Variants in EPHB1 observed in about 807,000 individuals in gnomAD.
EPHB1 encodes EPH receptor B1.
A neutral mutation model predicts 94.4 loss-of-function variants in EPHB1; 30 were observed. That is an observed-to-expected ratio of 0.32 (90% CI 0.24 to 0.43). The LOEUF is 0.43. Ranked by LOEUF, EPHB1 falls within the 20% of genes least tolerant of loss-of-function variation. The pLI, the probability that EPHB1 is intolerant of heterozygous loss-of-function variation, is 1.00. For missense variants in EPHB1, 1,055 were observed against 1,308.3 expected, an observed-to-expected ratio of 0.81 and a Z score of 2.99; for synonymous variants, 522 against 489.1, an observed-to-expected ratio of 1.07 and a Z score of -0.89.
At chr3:134,965,257 C>T (rs1370764423) in intron 3 of EPHB1, among the ~76,000 whole-genome samples, 1 of 152,206 alleles carries the variant, frequency 6.6e-6, no homozygotes, top group Non-Finnish European at 1.5e-5. Flanking sequence ...TCCAGATACT[C>T]ATTAAGAACC....
chr3:134,882,749 CCTTTCTTCCTTCCTTCCTTTCT>C (rs2037763742), intron 1 of EPHB1, among the ~76,000 whole-genome samples: 25 of 38,050 alleles, frequency 6.6e-4, no homozygotes, highest in South Asian at 1.4e-3. Context: ...CTTCTTTCTT[CCTTTCTTCCTTCCTTCCTTTCT>C]TTCTTTCTTT....
chr3:134,900,586 G>A (rs2038179422), intron 1 of EPHB1, among the ~76,000 whole-genome samples: 1 of 152,128 alleles, frequency 6.6e-6, no homozygotes, highest in African/African-American at 2.4e-5. Flanking sequence ...TCCTGCCTGG[G>A]TTAACGGGGC....
intron 1 of EPHB1, among the ~76,000 whole-genome samples, chr3:134,901,279 A>G (rs1286476673): frequency 6.6e-6 from 1 of 152,002 alleles, no homozygotes; most frequent in African/African-American, 2.4e-5. Context: ...TTAAATCAGG[A>G]TCTAAACAAA....
chr3:134,951,382 C>T lies in EPHB1; in HGVS notation c.135C>T (p.Val45=), dbSNP rs1933023101. ...TANPASGWEE[V]SGYDENLNTI... ...CCTGCTATGTACAGTGGGAAGAAGT[C>T]AGTGGCTACGATGAAAACCTGAACA... The change falls in exon 3 of 16, where the codon GTC becomes GTT. Residue 45 remains valine, a synonymous_variant. Coordinates refer to ENST00000398015, the MANE Select transcript of EPHB1 (RefSeq NM_004441.5). The surrounding 1 kb of genome is among the most constrained non-coding windows in gnomAD (Gnocchi z 4.5). 2 of 1,564,492 alleles carry T rather than the reference C, an allele frequency of 1.3e-6. No individual in the cohort carries two copies.
At chr3:134,887,809 G>A (rs1329498976) in intron 1 of EPHB1, among the ~76,000 whole-genome samples, 3 of 152,172 alleles carry the variant, frequency 2.0e-5, no homozygotes, top group Non-Finnish European at 4.4e-5. Flanking sequence ...CAATATTAGA[G>A]TAATCATCAA....
chr3:134,911,158 C>T (rs1333991650), intron 1 of EPHB1, among the ~76,000 whole-genome samples: 1 of 152,188 alleles, frequency 6.6e-6, no homozygotes, highest in Non-Finnish European at 1.5e-5. Context: ...GCAGGAAAGG[C>T]TCATTGGCCA....
At chr3:134,962,021 A>G (rs1379480717) in intron 3 of EPHB1, among the ~76,000 whole-genome samples, 1 of 152,252 alleles carries the variant, frequency 6.6e-6, no homozygotes, top group Non-Finnish European at 1.5e-5. Context: ...ATAAGAATAT[A>G]TAAATTTTTA....
At chr3:135,243,160 C>T (rs186074977) in intron 13 of EPHB1, among the ~76,000 whole-genome samples, 48 of 150,200 alleles carry the variant, frequency 3.2e-4, no homozygotes, top group African/African-American at 1.1e-3. Flanking sequence ...TGACTAAGAA[C>T]AATTCAGCAC....
At chr3:135,088,974 A>G (rs576676678) in intron 3 of EPHB1, among the ~76,000 whole-genome samples, 1 of 152,326 alleles carries the variant, frequency 6.6e-6, no homozygotes, top group South Asian at 2.1e-4. Flanking sequence ...CAATCATCAA[A>G]ACAACTCTAT....
chr3:134,816,087 T>G (rs957282622), intron 1 of EPHB1, among the ~76,000 whole-genome samples: 7 of 143,990 alleles, frequency 4.9e-5, no homozygotes, highest in Admixed American at 2.9e-4. Flanking sequence ...GTTTCTGTTT[T>G]TTTTTTTTTT....
chr3:135,105,314 G>A (rs1576387898), intron 3 of EPHB1, among the ~76,000 whole-genome samples: 1 of 152,182 alleles, frequency 6.6e-6, no homozygotes, highest in Non-Finnish European at 1.5e-5. Context: ...CATGTTTTCA[G>A]CAGGAACAGT....
intron 3 of EPHB1, among the ~76,000 whole-genome samples, chr3:135,072,371 G>A (rs1937751438): frequency 6.6e-6 from 1 of 152,274 alleles, no homozygotes; most frequent in Non-Finnish European, 1.5e-5. Flanking sequence ...GTGACAGAGT[G>A]AGACTCCATC....
intron 3 of EPHB1, among the ~76,000 whole-genome samples, chr3:135,019,375 T>A (rs969677343): frequency 6.6e-6 from 1 of 152,194 alleles, no homozygotes; most frequent in African/African-American, 2.4e-5. Flanking sequence ...GAGTCATGTG[T>A]GTGCAAAGCA....
intron 3 of EPHB1, among the ~76,000 whole-genome samples, chr3:135,024,946 T>C (rs13098770): frequency 6.6e-6 from 1 of 151,998 alleles, no homozygotes; most frequent in Non-Finnish European, 1.5e-5. Flanking sequence ...TTACTATATG[T>C]ATTATATATC....
Position 135,063,402 on chromosome 3 carries a change from C to T in EPHB1, c.806-43046C>T, listed in dbSNP as rs148021467. Among the ~76,000 whole-genome samples the T allele has an allele frequency of 9.9e-3, 1,503 of 152,132 alleles. 24 individuals are homozygous for T. Among genetic ancestry groups the T allele is most frequent in the African/African-American group, 0.034 (1,410 of 41,520 alleles). ...TGTTTTCCTTGTAGAGGTCTTTCAC[C>T]TCCTTGGTTATGTATACTCCTAAGT... is the stretch of plus-strand genomic sequence containing the variant. On this transcript the variant is annotated intron_variant, in intron 3 of 15. Coordinates refer to ENST00000398015, the MANE Select transcript of EPHB1 (RefSeq NM_004441.5).
intron 3 of EPHB1, among the ~76,000 whole-genome samples, chr3:135,030,928 C>T (rs1218379706): frequency 1.3e-5 from 2 of 152,154 alleles, no homozygotes; most frequent in African/African-American, 2.4e-5. Flanking sequence ...TCTCGTGGTG[C>T]GCCATTTTTT....
chr3:135,115,201 T>C (rs1939641038), intron 4 of EPHB1, among the ~76,000 whole-genome samples: 2 of 152,194 alleles, frequency 1.3e-5, no homozygotes, highest in South Asian at 4.2e-4. Context: ...AGAACAAAGC[T>C]GTCCTCTCCA....
intron 3 of EPHB1, among the ~76,000 whole-genome samples, chr3:134,982,504 G>A (rs956766332): frequency 2.0e-5 from 3 of 152,120 alleles, no homozygotes; most frequent in Admixed American, 1.3e-4. Context: ...TCTGCAAATC[G>A]TTGGCATCAC....
intron 1 of EPHB1, among the ~76,000 whole-genome samples, chr3:134,823,464 G>A (rs1177490324): frequency 1.3e-5 from 2 of 152,142 alleles, no homozygotes; most frequent in African/African-American, 4.8e-5. Context: ...GGGGGTCTTG[G>A]GGAAGGAAGG....
Sources: gnomAD v4.1 joint callset for allele counts (sites outside exome capture counted in the v4.1 genomes callset) on GRCh38, gnomAD v4.1.1 for gene constraint, Gnocchi (gnomAD v3.1) non-coding constraint, MANE v1.5 for transcripts, NCBI Gene and HGNC (gene_info 2026-07-23, HGNC 2026-07-21) for gene names.